Variants in ZBTB20 observed in about 807,000 individuals in gnomAD.
ZBTB20 encodes the protein zinc finger and BTB domain-containing protein 20.
In ZBTB20, 9 loss-of-function variants were observed where a neutral mutation model predicts 56.9. The observed-to-expected ratio is 0.16, with a 90% CI of 0.10 to 0.28. ZBTB20 has a LOEUF of 0.28. Ranked by LOEUF, ZBTB20 falls within the 10% of genes least tolerant of loss-of-function variation. ZBTB20 has a pLI of 1.00. For synonymous variants in ZBTB20, 417 were observed against 420.7 expected, an observed-to-expected ratio of 0.99 and a Z score of 0.11; for missense variants, 655 against 1,003.0, an observed-to-expected ratio of 0.65 and a Z score of 4.69.
chr3:115,016,536 G>T lies in ZBTB20; in HGVS notation c.-506-42120C>A, dbSNP rs111837214. On this transcript the variant is annotated intron_variant, in intron 2 of 11. Coordinates refer to ENST00000675478, the MANE Select transcript of ZBTB20 (RefSeq NM_001348800.3). ...AGTTTCAATTTTCTGCATATGGCTA[G>T]CCAGTTCTCCCAGTACCATTTATTA... 4.2e-3 allele frequency among the ~76,000 whole-genome samples: 632 copies of T among 151,990 alleles called. 6 individuals are homozygous for T. The highest frequency in any genetic ancestry group is 0.014 in the African/African-American group (591 of 41,498).
intron 8 of ZBTB20, among the ~76,000 whole-genome samples, chr3:114,386,176 C>T (rs1372394708): frequency 2.0e-5 from 3 of 152,176 alleles, no homozygotes; most frequent in Admixed American, 6.5e-5. Flanking sequence ...TCTGGCTTAT[C>T]GTGTTTTCTT....
chr3:114,745,977 A>G (rs1240765931), intron 5 of ZBTB20, among the ~76,000 whole-genome samples: 2 of 152,206 alleles, frequency 1.3e-5, no homozygotes, highest in Non-Finnish European at 2.9e-5. Flanking sequence ...AACAGACTTT[A>G]GTAATGAGAT....
chr3:115,055,772 G>T (rs1298307029), intron 2 of ZBTB20, among the ~76,000 whole-genome samples: 1 of 151,792 alleles, frequency 6.6e-6, no homozygotes, highest in Non-Finnish European at 1.5e-5. Context: ...ATAATCTTTT[G>T]CTGGCTCATG....
chr3:114,969,422 C>A (rs1268178348), intron 3 of ZBTB20, among the ~76,000 whole-genome samples: 1 of 151,924 alleles, frequency 6.6e-6, no homozygotes, highest in South Asian at 2.1e-4. Flanking sequence ...CAAAAGTACA[C>A]AATTATACAA....
intron 1 of ZBTB20, among the ~76,000 whole-genome samples, chr3:115,085,161 C>T (rs1411840912): frequency 1.3e-5 from 2 of 152,042 alleles, no homozygotes; most frequent in African/African-American, 4.8e-5. Flanking sequence ...GATGTTGAGT[C>T]CCATATGGCT....
intron 5 of ZBTB20, among the ~76,000 whole-genome samples, chr3:114,717,112 T>G (rs1256224379): frequency 1.3e-5 from 2 of 152,098 alleles, no homozygotes; most frequent in Admixed American, 6.6e-5. Context: ...TTACTTACCC[T>G]TGCAGAGCCT....
At chr3:114,352,669 G>A (rs2080800856) in intron 10 of ZBTB20, among the ~76,000 whole-genome samples, 1 of 152,168 alleles carries the variant, frequency 6.6e-6, no homozygotes, top group African/African-American at 2.4e-5. Flanking sequence ...AAGGTTTTCT[G>A]AATTTTCTGA....
intron 3 of ZBTB20, among the ~76,000 whole-genome samples, chr3:114,957,451 A>T (rs2077286757): frequency 6.6e-6 from 1 of 152,186 alleles, no homozygotes; most frequent in Non-Finnish European, 1.5e-5. Context: ...CTGCATGTAG[A>T]CTGTGTCATG....
intron 6 of ZBTB20, among the ~76,000 whole-genome samples, chr3:114,673,295 C>G (rs535443071): frequency 6.6e-6 from 1 of 151,950 alleles, no homozygotes; most frequent in African/African-American, 2.4e-5. Context: ...GCAGTACTTC[C>G]GTAGAATTTC....
intron 2 of ZBTB20, among the ~76,000 whole-genome samples, chr3:114,984,335 C>T (rs1166472479): frequency 1.3e-5 from 2 of 151,936 alleles, no homozygotes; most frequent in Admixed American, 1.3e-4. Flanking sequence ...ATACATGTGC[C>T]TTGTTGGTGT....
At chr3:115,066,590 C>T (rs776028096) in intron 2 of ZBTB20, among the ~76,000 whole-genome samples, 4 of 152,106 alleles carry the variant, frequency 2.6e-5, no homozygotes, top group Non-Finnish European at 4.4e-5. Context: ...TGCTTTTTCT[C>T]AATAGAACTA....
chr3:114,853,496 A>T (rs968681594), intron 4 of ZBTB20, among the ~76,000 whole-genome samples: 1 of 152,162 alleles, frequency 6.6e-6, no homozygotes, highest in Non-Finnish European at 1.5e-5. Context: ...TGGCCTCCTA[A>T]ATGGCAAAAA....
chr3:114,807,141 T>G (rs893979537), intron 4 of ZBTB20, among the ~76,000 whole-genome samples: 1 of 152,024 alleles, frequency 6.6e-6, no homozygotes, highest in African/African-American at 2.4e-5. Flanking sequence ...TTATTCTTTT[T>G]GACAGGATTG....
chr3:115,019,636 C>T (rs1313076792), intron 2 of ZBTB20, among the ~76,000 whole-genome samples: 1 of 151,060 alleles, frequency 6.6e-6, no homozygotes, highest in Non-Finnish European at 1.5e-5. Context: ...AGTTATATTA[C>T]AAAATTAATG....
intron 4 of ZBTB20, among the ~76,000 whole-genome samples, chr3:114,879,854 C>T (rs1469432801): frequency 1.3e-5 from 2 of 152,120 alleles, no homozygotes; most frequent in Non-Finnish European, 2.9e-5. Flanking sequence ...ATCCACCTCC[C>T]CAATGCATGT....
chr3:114,989,529 T>C (rs1378202204), intron 2 of ZBTB20, among the ~76,000 whole-genome samples: 2 of 152,146 alleles, frequency 1.3e-5, no homozygotes, highest in Non-Finnish European at 1.5e-5. Context: ...TGAAGTCAGT[T>C]AGTGTGATGC....
chr3:114,515,508 A>T (rs2109855932), intron 6 of ZBTB20, among the ~76,000 whole-genome samples: 1 of 152,346 alleles, frequency 6.6e-6, no homozygotes, highest in South Asian at 2.1e-4. Context: ...GAATTTCAGA[A>T]TTAGTTTGCA....
intron 6 of ZBTB20, among the ~76,000 whole-genome samples, chr3:114,571,088 G>T (rs1203338600): frequency 1.3e-5 from 2 of 151,992 alleles, no homozygotes; most frequent in Non-Finnish European, 2.9e-5. Context: ...ATTAAAAAAA[G>T]AAAGAAAATA....
chr3:114,502,069 C>A (rs1313494892), intron 6 of ZBTB20, among the ~76,000 whole-genome samples: 1 of 152,046 alleles, frequency 6.6e-6, no homozygotes, highest in Non-Finnish European at 1.5e-5. Context: ...AGAGCCATGA[C>A]AAATTAATAA....
Sources: allele counts gnomAD v4.1 joint callset (sites outside exome capture counted in the v4.1 genomes callset), GRCh38; gene constraint gnomAD v4.1.1; transcripts MANE v1.5; gene names NCBI Gene and HGNC (gene_info 2026-07-23, HGNC 2026-07-21).